ANGPT4: variants seen among roughly 807,000 people sequenced by gnomAD.
The protein encoded by ANGPT4 is angiopoietin 4, also known as angiopoietin-4.
Under a neutral mutation model 53.0 loss-of-function variants are expected in ANGPT4, and 50 were observed. That is an observed-to-expected ratio of 0.94 (90% CI 0.75 to 1.20). The LOEUF (loss-of-function observed/expected upper bound fraction) is 1.20. Among genes scored for constraint, ANGPT4 ranks in the 50% most tolerant of loss-of-function variants. The pLI, the probability that ANGPT4 is intolerant of heterozygous loss-of-function variation, is 0.00. For missense variants in ANGPT4, 648 were observed against 637.1 expected, an observed-to-expected ratio of 1.02 and a Z score of -0.18; for synonymous variants, 251 against 259.7, an observed-to-expected ratio of 0.97 and a Z score of 0.32.
At position 910,263 on chromosome 20, in the gene ANGPT4, G is replaced by A. The variant is rs576026264; in HGVS notation, c.309+5643C>T. Among the ~76,000 whole-genome samples, 52 of 152,280 alleles carry A rather than the reference G, an allele frequency of 3.4e-4. 1 individual carries two copies. The South Asian group carries it at 9.1e-3, about 27-fold the overall frequency. On this transcript the variant is annotated intron_variant, in intron 1 of 8. Coordinates refer to ENST00000381922, the MANE Select transcript of ANGPT4 (RefSeq NM_015985.4). ...TGGGTCATGGTGAGAATTAAATGCC[G>A]TAACATAAAGCACCTAGGACAGTGT... is the stretch of plus-strand genomic sequence containing the variant.
At chr20:881,106 G>A (rs1208586573) in intron 5 of ANGPT4, 65 bp downstream of exon 5, 12 of 1,299,310 alleles carry the variant, frequency 9.2e-6, no homozygotes, top group Admixed American at 5.1e-5. Flanking sequence ...GGTGCGGGGT[G>A]TCTGTTTGGG....
chr20:915,902 G>C lies in ANGPT4; in HGVS notation c.309+4C>G, dbSNP rs73565266. On this transcript the variant is annotated splice_donor_region_variant and intron_variant, in intron 1 of 8. Coordinates refer to ENST00000381922, the MANE Select transcript of ANGPT4 (RefSeq NM_015985.4). ...GCCCCCTGCAAACCTCCCATGCCCC[G>C]TACCTTCTTCAGCCACTGCGTGTTG... 1 of 1,559,724 alleles carries C rather than the reference G, an allele frequency of 6.4e-7. No individual in the cohort carries two copies. The highest frequency in any genetic ancestry group is 1.2e-5 in the South Asian group (1 of 81,944).
intron 1 of ANGPT4, among the ~76,000 whole-genome samples, chr20:901,256 G>A (rs771241980): frequency 1.3e-5 from 2 of 152,174 alleles, no homozygotes; most frequent in Admixed American, 1.3e-4. Context: ...GCCTGCACGT[G>A]TACATCCAGA....
intron 4 of ANGPT4, among the ~76,000 whole-genome samples, chr20:882,381 G>C (rs1223235292): frequency 6.6e-6 from 1 of 152,146 alleles, no homozygotes; most frequent in African/African-American, 2.4e-5. Context: ...AATTCCAGAT[G>C]GATAGGTTGT....
chr20:891,453 G>A (rs1260270089), intron 1 of ANGPT4, among the ~76,000 whole-genome samples: 1 of 152,228 alleles, frequency 6.6e-6, no homozygotes, highest in Admixed American at 6.5e-5. Flanking sequence ...GTATGCTGTT[G>A]TAAAGGTGAA....
At chr20:888,517 G>A in intron 2 of ANGPT4, 78 bp from the exon 3 acceptor site, 1 of 1,527,936 alleles carries the variant, frequency 6.5e-7, no homozygotes, top group Non-Finnish European at 8.7e-7. Flanking sequence ...CCTGCCCACA[G>A]GCCCTGCCAC....
intron 7 of ANGPT4, 74 bp from the exon 8 acceptor site, chr20:874,488 C>T: frequency 1.3e-6 from 2 of 1,581,502 alleles, no homozygotes; most frequent in Non-Finnish European, 1.7e-6. Flanking sequence ...CAAGAACTTC[C>T]CCAGTGGCTT....
chr20:907,890 T>C (rs889416909), intron 1 of ANGPT4, among the ~76,000 whole-genome samples: 2 of 152,212 alleles, frequency 1.3e-5, no homozygotes, highest in Non-Finnish European at 2.9e-5. Context: ...GACTCCAGTG[T>C]GTACCTCTTC....
rs1454859022 is a variant in ANGPT4, at chr20:914,393, G to A, written c.309+1513C>T. Among the ~76,000 whole-genome samples the A allele has an allele frequency of 6.6e-6, 1 of 152,156 alleles. No individual in the cohort carries two copies. The highest frequency in any genetic ancestry group is 1.5e-5 in the Non-Finnish European group (1 of 68,020). ...AGGATAGGAGGCTGGGGTAAGCAAAGTGGGAGTCTGGGAGAGGGAACTCCA... is the reference window on the plus strand; with the variant it reads ...AGGATAGGAGGCTGGGGTAAGCAAAATGGGAGTCTGGGAGAGGGAACTCCA... On this transcript the variant is annotated intron_variant, in intron 1 of 8. Coordinates refer to ENST00000381922, the MANE Select transcript of ANGPT4 (RefSeq NM_015985.4). This position sits in a 1 kb window ranked among gnomAD's most constrained non-coding sequence, Gnocchi z 5.0.
chr20:909,550 G>A (rs1982619672), intron 1 of ANGPT4, among the ~76,000 whole-genome samples: 1 of 152,172 alleles, frequency 6.6e-6, no homozygotes, highest in African/African-American at 2.4e-5. Context: ...CGTGAATCCT[G>A]GAGTCTTGAC....
At position 874,169 on chromosome 20, in the gene ANGPT4, A is replaced by T. The variant is rs1264644152; in HGVS notation, c.1351+115T>A. 3.3e-6 allele frequency: 5 copies of T among 1,505,642 alleles called. No individual in the cohort carries two copies. In the East Asian group the frequency reaches 1.1e-4, roughly 34 times the overall value. 93.3% of individuals were successfully genotyped at this position (1,505,642 alleles called of 1,614,324 possible). A position where few individuals can be genotyped will look rare whatever the true frequency, so the allele number is the denominator to read the frequency against. ...GAGCTTATGGGTGGGCAAGGCCCAG[A>T]CCTGCACCCATCCTCCTGACAGCAC... On this transcript the variant is annotated intron_variant, in intron 8 of 8. Transcript: ENST00000381922.
chr20:912,907 G>A (rs190907499), intron 1 of ANGPT4, among the ~76,000 whole-genome samples: 1 of 152,200 alleles, frequency 6.6e-6, no homozygotes, highest in African/African-American at 2.4e-5. Context: ...CCTGCAGTTT[G>A]TAGTGAGAAT....
intron 1 of ANGPT4, among the ~76,000 whole-genome samples, chr20:898,310 C>G (rs1327814194): frequency 1.3e-5 from 2 of 152,208 alleles, no homozygotes; most frequent in African/African-American, 4.8e-5. Flanking sequence ...CGTTCTGCAA[C>G]TAGCCCTCCT....
intron 7 of ANGPT4, 74 bp downstream of exon 7, chr20:878,087 A>C: frequency 6.7e-7 from 1 of 1,492,664 alleles, no homozygotes; most frequent in Non-Finnish European, 9.1e-7. Context: ...CTCTGTAGAC[A>C]CTAGCCTGGG....
At chr20:878,104 A>G in intron 7 of ANGPT4, 57 bp downstream of exon 7, 2 of 1,537,362 alleles carry the variant, frequency 1.3e-6, no homozygotes, top group South Asian at 2.5e-5. Flanking sequence ...TGGGGACCCC[A>G]GCCCGCCCAC....
At chr20:907,785 C>T (rs59153786) in intron 1 of ANGPT4, among the ~76,000 whole-genome samples, 2,131 of 152,268 alleles carry the variant, frequency 0.014, 56 homozygotes, top group African/African-American at 0.049. Context: ...CCAACCTCAC[C>T]TCAACTTTGG....
At chr20:890,430 A>C in intron 1 of ANGPT4, 62 bp from the exon 2 acceptor site, 1 of 1,497,926 alleles carries the variant, frequency 6.7e-7, no homozygotes, top group Non-Finnish European at 9.0e-7. Context: ...TGTCCCTCCC[A>C]CGTGTCACCA....
rs991505606 is a variant in ANGPT4, at chr20:914,272, C to A, written c.309+1634G>T. On this transcript the variant is annotated intron_variant, in intron 1 of 8. Coordinates refer to ENST00000381922, the MANE Select transcript of ANGPT4 (RefSeq NM_015985.4). This position sits in a 1 kb window ranked among gnomAD's most constrained non-coding sequence, Gnocchi z 5.0. ...AGGGATAAGTTCTAAGAAAAAAAAA[C>A]ACAACAAAGCCAGCAGAGGGACAAA... is the stretch of plus-strand genomic sequence containing the variant. 1.3e-5 allele frequency among the ~76,000 whole-genome samples: 2 copies of A among 151,758 alleles called. No homozygotes were observed. Among genetic ancestry groups the A allele is most frequent in the Non-Finnish European group, 2.9e-5 (2 of 67,954 alleles).
In ANGPT4 at chr20:878,222, C is replaced by T. The variant is rs1490247432; in HGVS notation, c.1159G>A (p.Gly387Ser). Residue 387 changes from glycine to serine, a missense_variant, in exon 7 of 9, where the codon GGC (glycine) becomes AGC (serine). Coordinates refer to ENST00000381922, the MANE Select transcript of ANGPT4 (RefSeq NM_015985.4). ...TCGTACTGGGCATAGGCCTCGTGGCCTTCCCAGTCTTGCAGCTCCACACGC... is the reference window on the plus strand; with the variant it reads ...TCGTACTGGGCATAGGCCTCGTGGCTTTCCCAGTCTTGCAGCTCCACACGC... Reference protein sequence around the residue: ...SLRVELQDWEGHEAYAQYEHF... With the variant: ...SLRVELQDWESHEAYAQYEHF... 6.2e-7 allele frequency: 1 copy of T among 1,612,776 alleles called. No homozygotes were observed. The highest frequency in any genetic ancestry group is 1.1e-5 in the South Asian group (1 of 91,056).
Sources: gnomAD v4.1 joint callset for allele counts (sites outside exome capture counted in the v4.1 genomes callset) on GRCh38, gnomAD v4.1.1 for gene constraint, Gnocchi (gnomAD v3.1) non-coding constraint, MANE v1.5 for transcripts, NCBI Gene and HGNC (gene_info 2026-07-23, HGNC 2026-07-21) for gene names.